VTI1A: variants seen among roughly 807,000 people sequenced by gnomAD.
The protein encoded by VTI1A is vesicle transport through interaction with t-SNAREs 1A.
VTI1A carries 22 observed loss-of-function variants against 34.9 expected under a neutral mutation model. That is an observed-to-expected ratio of 0.63 (90% CI 0.45 to 0.90). The LOEUF (loss-of-function observed/expected upper bound fraction) is 0.90. Ranked by LOEUF, VTI1A falls within the 40% of genes least tolerant of loss-of-function variation. The pLI, the probability that VTI1A is intolerant of heterozygous loss-of-function variation, is 0.00. For missense variants in VTI1A, 268 were observed against 275.6 expected (o/e 0.97, Z 0.20); for synonymous variants, 87 against 97.3 (o/e 0.89, Z 0.62).
chr10:112,780,704 G>A (rs2134037352), intron 7 of VTI1A, among the ~76,000 whole-genome samples: 1 of 152,130 alleles, frequency 6.6e-6, no homozygotes, highest in Middle Eastern at 3.4e-3. Context: ...AAATTAGTAT[G>A]TGGCTTTCTC....
intron 3 of VTI1A, among the ~76,000 whole-genome samples, chr10:112,484,460 A>G (rs529583439): frequency 6.6e-6 from 1 of 152,318 alleles, no homozygotes; most frequent in East Asian, 1.9e-4. Flanking sequence ...TTTCATAACC[A>G]TTATTCACCT....
chr10:112,834,838 G>A, the VTI1A span, among the ~76,000 whole-genome samples: 1 of 152,204 alleles, frequency 6.6e-6, no homozygotes, highest in Non-Finnish European at 1.5e-5. Flanking sequence ...TAGCAAATGT[G>A]CAACATGAGT....
chr10:112,842,050 CCTTTTTTTTTTTTTTT>C, the VTI1A span, among the ~76,000 whole-genome samples: 1 of 93,166 alleles, frequency 1.1e-5, no homozygotes, highest in Non-Finnish European at 2.1e-5. Context: ...TTTTTTTTTT[CCTTTTTTTTTTTTTTT>C]TTTTTTTTTT....
chr10:112,773,577 G>T (rs1235886711), intron 7 of VTI1A, among the ~76,000 whole-genome samples: 1 of 150,604 alleles, frequency 6.6e-6, no homozygotes, highest in Admixed American at 6.7e-5. Context: ...ACTCGGCTAA[G>T]GGTGTGCCTG....
chr10:112,566,804 C>G (rs117625610), intron 5 of VTI1A, among the ~76,000 whole-genome samples: 3,272 of 152,118 alleles, frequency 0.022, 44 homozygotes, highest in Admixed American at 0.033. Context: ...TTCCATCACT[C>G]TATATGTGAA....
chr10:112,717,769 A>G (rs1271787753), intron 7 of VTI1A, among the ~76,000 whole-genome samples: 1 of 152,168 alleles, frequency 6.6e-6, no homozygotes, highest in Non-Finnish European at 1.5e-5. Context: ...CCGAGGTTTA[A>G]GGGGATGGGA....
At chr10:112,699,827 C>CAA (rs748925908) in intron 7 of VTI1A, among the ~76,000 whole-genome samples, 3 of 107,660 alleles carry the variant, frequency 2.8e-5, no homozygotes. Context: ...AACTCCGTCT[C>CAA]AAAAAAAAAA....
intron 5 of VTI1A, among the ~76,000 whole-genome samples, chr10:112,660,851 T>C (rs11196041): frequency 0.2 from 29,898 of 152,218 alleles, 3,976 homozygotes; most frequent in African/African-American, 0.38. Flanking sequence ...ACAGAATACT[T>C]CTGTTTACCT....
At chr10:112,552,639 T>C (rs144877747) in intron 5 of VTI1A, among the ~76,000 whole-genome samples, 1,529 of 152,036 alleles carry the variant, frequency 0.01, 11 homozygotes, top group Admixed American at 0.018. Context: ...CTCTAAAAGG[T>C]AAGCATGAAG....
At chr10:112,513,418 A>G (rs933282702) in intron 3 of VTI1A, among the ~76,000 whole-genome samples, 4 of 151,980 alleles carry the variant, frequency 2.6e-5, no homozygotes, top group Admixed American at 6.6e-5. Flanking sequence ...TTTATTTATC[A>G]GTTTTAACAG....
the VTI1A span, among the ~76,000 whole-genome samples, chr10:112,846,617 T>C: frequency 6.6e-6 from 1 of 152,028 alleles, no homozygotes; most frequent in South Asian, 2.1e-4. Flanking sequence ...GTACAAAAAA[T>C]TAGCTGGACA....
intron 3 of VTI1A, among the ~76,000 whole-genome samples, chr10:112,472,530 A>G (rs1848127415): frequency 6.7e-6 from 1 of 149,560 alleles, no homozygotes; most frequent in South Asian, 2.1e-4. Context: ...CAGTACCCAT[A>G]TTCTTTTTTT....
At chr10:112,748,875 C>T (rs1056739545) in intron 7 of VTI1A, among the ~76,000 whole-genome samples, 2 of 152,020 alleles carry the variant, frequency 1.3e-5, no homozygotes, top group Admixed American at 1.3e-4. Flanking sequence ...GTGACCCACC[C>T]GCCTCAGCCT....
chr10:112,691,262 A>T (rs1590074786), intron 7 of VTI1A, among the ~76,000 whole-genome samples: 1 of 140,204 alleles, frequency 7.1e-6, no homozygotes, highest in South Asian at 2.4e-4. Context: ...CTCTGCCTCA[A>T]AAATAAATAA....
intron 7 of VTI1A, among the ~76,000 whole-genome samples, chr10:112,722,058 T>C (rs1252420050): frequency 1.3e-5 from 2 of 152,198 alleles, no homozygotes; most frequent in Admixed American, 6.5e-5. Context: ...TGTATCCTTA[T>C]TGAGGAAAGA....
At chr10:112,626,928 A>G (rs1845943750) in intron 5 of VTI1A, among the ~76,000 whole-genome samples, 1 of 152,252 alleles carries the variant, frequency 6.6e-6, no homozygotes, top group African/African-American at 2.4e-5. Context: ...TCAGACTGGT[A>G]TAGTGTTTAA....
At chr10:112,667,852 A>G (rs192481482) in intron 5 of VTI1A, among the ~76,000 whole-genome samples, 3 of 152,316 alleles carry the variant, frequency 2.0e-5, no homozygotes, top group African/African-American at 4.8e-5. Flanking sequence ...GAGCAGAATC[A>G]TTAACATTAC....
the VTI1A span, among the ~76,000 whole-genome samples, chr10:112,846,067 A>T: frequency 0.019 from 2,872 of 152,250 alleles, 96 homozygotes; most frequent in African/African-American, 0.065. Context: ...TCTGGAGAAG[A>T]GAAGAGGGCT....
intron 1 of VTI1A, chr10:112,449,154 G>C (rs928732407): frequency 1.3e-5 from 2 of 152,170 alleles, no homozygotes; most frequent in African/African-American, 2.4e-5. Context: ...AGATCGTCTT[G>C]ATTTTTGTTA....
Sources: gnomAD v4.1 joint callset for allele counts (sites outside exome capture counted in the v4.1 genomes callset) on GRCh38, gnomAD v4.1.1 for gene constraint, MANE v1.5 for transcripts, NCBI Gene and HGNC (gene_info 2026-07-23, HGNC 2026-07-21) for gene names.